The following MYO18B variants were observed in gnomAD, a reference collection of about 807,000 sequenced individuals.
MYO18B encodes the protein unconventional myosin-XVIIIb.
A neutral mutation model predicts 273.0 loss-of-function variants in MYO18B; 204 were observed. The observed-to-expected ratio is 0.75, with a 90% CI of 0.67 to 0.84. The LOEUF is 0.84. MYO18B is among the 40% of genes least tolerant of loss of function. The probability of loss-of-function intolerance (pLI) is 0.00; values close to 1 mark genes in which losing one functional copy is unlikely to be tolerated. For synonymous variants in MYO18B, 1,330 were observed against 1,305.7 expected, an observed-to-expected ratio of 1.02 and a Z score of -0.40; for missense variants, 3,212 against 3,287.6, an observed-to-expected ratio of 0.98 and a Z score of 0.56.
intron 25 of MYO18B, 129 bp from the exon 26 acceptor site, chr22:25,890,627 A>T (rs1365433849): frequency 7.6e-7 from 1 of 1,322,264 alleles, no homozygotes; most frequent in Non-Finnish European, 1.0e-6. Flanking sequence ...CCTCTTAACG[A>T]GTTGATTATA....
chr22:25,910,862 C>T (rs898409990), intron 32 of MYO18B, 84 bp from the exon 33 acceptor site: 63 of 1,083,630 alleles, frequency 5.8e-5, no homozygotes, highest in Admixed American at 1.2e-4. Context: ...TACATTCCTC[C>T]GCCTTCTGAG....
chr22:25,833,018 TC>T, intron 16 of MYO18B, 21 bp downstream of exon 16: 1 of 1,608,970 alleles, frequency 6.2e-7, no homozygotes. Flanking sequence ...GCCCAGCCAA[TC>T]CAGGCTCTCA....
chr22:25,780,751 C>T (rs10427984), intron 9 of MYO18B, among the ~76,000 whole-genome samples: 228 of 152,248 alleles, frequency 1.5e-3, no homozygotes, highest in Middle Eastern at 3.4e-3. Context: ...CAAGCCAGCC[C>T]GTCTGTGCTT....
chr22:25,814,085 A>G (rs1248090846), intron 12 of MYO18B, among the ~76,000 whole-genome samples: 1 of 152,132 alleles, frequency 6.6e-6, no homozygotes, highest in Non-Finnish European at 1.5e-5. Context: ...GCGATGCTGG[A>G]AGACGGAGCT....
At chr22:25,937,823 G>T (rs1324266582) in intron 34 of MYO18B, among the ~76,000 whole-genome samples, 1 of 152,154 alleles carries the variant, frequency 6.6e-6, no homozygotes, top group African/African-American at 2.4e-5. Context: ...GACCTCAGGT[G>T]ATCTGCATGC....
At chr22:25,947,033 C>T (rs752552139) in intron 35 of MYO18B, among the ~76,000 whole-genome samples, 2 of 152,010 alleles carry the variant, frequency 1.3e-5, no homozygotes, top group African/African-American at 2.4e-5. Flanking sequence ...AGGTATAGTT[C>T]GAGTTTTATA....
intron 19 of MYO18B, 25 bp downstream of exon 19, chr22:25,846,308 T>C: frequency 6.2e-7 from 1 of 1,606,916 alleles, no homozygotes; most frequent in East Asian, 2.2e-5. Flanking sequence ...TGTCTCATGG[T>C]GTCCTGGCCT....
At chr22:26,003,507 C>T (rs1934162969) in intron 41 of MYO18B, among the ~76,000 whole-genome samples, 198 bp downstream of exon 41, 1 of 152,160 alleles carries the variant, frequency 6.6e-6, no homozygotes, top group African/African-American at 2.4e-5. Context: ...CAGAAAGAAG[C>T]CTATGCCTTC....
intron 42 of MYO18B, among the ~76,000 whole-genome samples, chr22:26,013,228 G>T (rs1345339956): frequency 6.6e-6 from 1 of 152,090 alleles, no homozygotes; most frequent in African/African-American, 2.4e-5. Flanking sequence ...CATCTCAACA[G>T]GGGACAGCTG....
intron 12 of MYO18B, among the ~76,000 whole-genome samples, chr22:25,820,792 TG>T (rs2089247525): frequency 2.0e-5 from 3 of 152,328 alleles, no homozygotes; most frequent in African/African-American, 7.2e-5. Context: ...GCTGTGATTT[TG>T]TGTCCTTTAA....
intron 42 of MYO18B, chr22:26,006,483 G>A: frequency 3.2e-6 from 1 of 316,810 alleles, no homozygotes; most frequent in South Asian, 4.6e-5. Context: ...CAAATTCACT[G>A]AATTCTCTAG....
intron 39 of MYO18B, among the ~76,000 whole-genome samples, chr22:25,989,262 C>T (rs1310148635): frequency 1.3e-5 from 2 of 152,144 alleles, no homozygotes; most frequent in East Asian, 1.9e-4. Flanking sequence ...GGTCTCCCGG[C>T]GGCGTGACCT....
intron 39 of MYO18B, among the ~76,000 whole-genome samples, chr22:25,984,045 C>T (rs2093175694): frequency 6.6e-6 from 1 of 152,212 alleles, no homozygotes; most frequent in African/African-American, 2.4e-5. Flanking sequence ...TCGTATTTCC[C>T]GTGTCTTTAC....
At position 25,768,167 on chromosome 22, in the gene MYO18B, G is replaced by A. The variant is rs773993496; in HGVS notation, c.251G>A (p.Arg84Lys). Residue 84 changes from arginine (R) to lysine (K), a missense_variant, in exon 4 of 44, where the codon AGA becomes AAA. Transcript: ENST00000335473. ...AACAGCAAGTCCAGCAGTGGCACCA[G>A]ATCTGGAAGCCAGCAGATCTCTCAG... ...QPNSKSSSGT[R>K]SGSQQISQDD... 6.2e-7 allele frequency: 1 copy of A among 1,612,686 alleles called. No homozygotes were observed. The highest frequency in any genetic ancestry group is 1.3e-5 in the African/African-American group (1 of 74,896).
At chr22:25,773,157 A>G (rs1428996442) in intron 7 of MYO18B, among the ~76,000 whole-genome samples, 1 of 152,184 alleles carries the variant, frequency 6.6e-6, no homozygotes, top group South Asian at 2.1e-4. Context: ...ACCTCAGCCG[A>G]GTCATTGAAG....
At chr22:25,763,198 T>G in intron 2 of MYO18B, 33 bp from the exon 3 acceptor site, 1 of 1,610,396 alleles carries the variant, frequency 6.2e-7, no homozygotes, top group East Asian at 2.2e-5. Context: ...GTTGACTCAC[T>G]GAGCTCTCTC....
the MYO18B span, among the ~76,000 whole-genome samples, chr22:26,052,864 G>A: frequency 1.8e-4 from 27 of 150,828 alleles, no homozygotes; most frequent in African/African-American, 4.9e-4. Flanking sequence ...GTGCAGTGGC[G>A]TGATCTCGGC....
chr22:25,953,535 G>C (rs949911654), intron 38 of MYO18B: 6 of 152,076 alleles, frequency 3.9e-5, no homozygotes, highest in Non-Finnish European at 7.4e-5. Flanking sequence ...TCTCCAATAA[G>C]GCTGCTATGG....
intron 21 of MYO18B, among the ~76,000 whole-genome samples, chr22:25,862,852 G>C (rs1409494913): frequency 1.3e-5 from 2 of 150,200 alleles, no homozygotes; most frequent in African/African-American, 4.9e-5. Flanking sequence ...TTTTTGGGGG[G>C]GGGTGTCAAA....
Sources: allele counts gnomAD v4.1 joint callset (sites outside exome capture counted in the v4.1 genomes callset), GRCh38; gene constraint gnomAD v4.1.1; transcripts MANE v1.5; gene names NCBI Gene and HGNC (gene_info 2026-07-23, HGNC 2026-07-21).